ULK4: variants seen among roughly 807,000 people sequenced by gnomAD.
ULK4 encodes inactive serine/threonine-protein kinase ULK4.
ULK4 carries 133 observed loss-of-function variants against 160.6 expected under a neutral mutation model. The observed-to-expected ratio is 0.83, with a 90% CI of 0.72 to 0.96. ULK4 has a LOEUF of 0.96. Ranked by LOEUF, ULK4 falls within the 40% of genes least tolerant of loss-of-function variation. ULK4 has a pLI of 0.00. For missense variants in ULK4, 1,580 were observed against 1,499.5 expected, an observed-to-expected ratio of 1.05 and a Z score of -0.89; for synonymous variants, 534 against 539.8, an observed-to-expected ratio of 0.99 and a Z score of 0.15.
At chr3:41,886,977 T>C (rs1176300229) in intron 16 of ULK4, among the ~76,000 whole-genome samples, 1 of 152,216 alleles carries the variant, frequency 6.6e-6, no homozygotes, top group African/African-American at 2.4e-5. Context: ...AAGGCAACAA[T>C]GAATACATTC....
intron 35 of ULK4, among the ~76,000 whole-genome samples, chr3:41,342,948 A>G (rs1382514467): frequency 3.9e-5 from 6 of 152,250 alleles, no homozygotes; most frequent in Admixed American, 3.9e-4. Context: ...ACAGATGCAG[A>G]AAAGACCTTT....
intron 22 of ULK4, among the ~76,000 whole-genome samples, chr3:41,753,188 C>T (rs2038686903): frequency 6.6e-6 from 1 of 152,182 alleles, no homozygotes; most frequent in African/African-American, 2.4e-5. Context: ...CACTGCACTC[C>T]AGCCTGGGCA....
chr3:41,826,290 T>A (rs1207111884), intron 18 of ULK4, among the ~76,000 whole-genome samples: 7 of 151,994 alleles, frequency 4.6e-5, no homozygotes, highest in African/African-American at 1.7e-4. Context: ...AATGACAGGA[T>A]CAAATTCACA....
chr3:41,343,547 G>A (rs560701731), intron 35 of ULK4, among the ~76,000 whole-genome samples: 21 of 151,688 alleles, frequency 1.4e-4, no homozygotes, highest in East Asian at 3.9e-4. Context: ...CAGGCAATCC[G>A]CCTGCCTTGG....
chr3:41,404,949 T>C (rs2082263493), intron 34 of ULK4, among the ~76,000 whole-genome samples: 1 of 152,230 alleles, frequency 6.6e-6, no homozygotes, highest in African/African-American at 2.4e-5. Context: ...GACTAAGAAC[T>C]CTAATCATCT....
intron 19 of ULK4, among the ~76,000 whole-genome samples, chr3:41,811,758 A>G (rs1228528301): frequency 6.6e-6 from 1 of 152,192 alleles, no homozygotes; most frequent in Non-Finnish European, 1.5e-5. Context: ...CTAGAGTTCT[A>G]AATTATGATT....
intron 32 of ULK4, among the ~76,000 whole-genome samples, chr3:41,489,754 C>T (rs1366663559): frequency 6.6e-6 from 1 of 152,138 alleles, no homozygotes; most frequent in Non-Finnish European, 1.5e-5. Context: ...AATCATCCCA[C>T]TCCAGGAAAA....
chr3:41,944,732 T>C (rs915478343), intron 2 of ULK4, among the ~76,000 whole-genome samples: 1 of 152,104 alleles, frequency 6.6e-6, no homozygotes, highest in African/African-American at 2.4e-5. Context: ...AATGAGCCAG[T>C]AAGCCCGGCT....
intron 35 of ULK4, among the ~76,000 whole-genome samples, chr3:41,356,660 T>A (rs1402237907): frequency 6.6e-6 from 1 of 152,232 alleles, no homozygotes; most frequent in Non-Finnish European, 1.5e-5. Context: ...ATATGTTACC[T>A]GCACAATCAG....
intron 32 of ULK4, among the ~76,000 whole-genome samples, chr3:41,525,519 G>A (rs77990051): frequency 1.3e-5 from 2 of 152,096 alleles, no homozygotes; most frequent in African/African-American, 2.4e-5. Context: ...GTGAGGCCTA[G>A]TCTCCCTCCC....
At chr3:41,475,852 AAAG>A (rs1575276694) in intron 32 of ULK4, among the ~76,000 whole-genome samples, 1 of 151,990 alleles carries the variant, frequency 6.6e-6, no homozygotes, top group Non-Finnish European at 1.5e-5. Context: ...GAATTTGCCC[AAAG>A]AAGAAGTTAG....
intron 2 of ULK4, among the ~76,000 whole-genome samples, chr3:41,949,338 A>G (rs1221654234): frequency 6.6e-6 from 1 of 150,784 alleles, no homozygotes; most frequent in Non-Finnish European, 1.5e-5. Context: ...ACACACACAA[A>G]AAGTAAAGTT....
chr3:41,268,680 C>T (rs2079086140), intron 35 of ULK4, among the ~76,000 whole-genome samples: 1 of 151,922 alleles, frequency 6.6e-6, no homozygotes, highest in Non-Finnish European at 1.5e-5. Flanking sequence ...GTGGTGTGCA[C>T]CTGCAGTTCC....
intron 16 of ULK4, among the ~76,000 whole-genome samples, chr3:41,890,626 C>A (rs1250732973): frequency 1.3e-5 from 2 of 150,188 alleles, no homozygotes; most frequent in Non-Finnish European, 3.0e-5. Flanking sequence ...TTGCAGTGAG[C>A]CAAGATCGCG....
At chr3:41,838,671 A>C (rs536667901) in intron 17 of ULK4, among the ~76,000 whole-genome samples, 4 of 152,356 alleles carry the variant, frequency 2.6e-5, no homozygotes, top group African/African-American at 9.6e-5. Flanking sequence ...ACTAAATCTA[A>C]GTCAATAAAT....
intron 32 of ULK4, among the ~76,000 whole-genome samples, chr3:41,559,518 C>A (rs186601404): frequency 8.0e-6 from 1 of 125,382 alleles, no homozygotes; most frequent in Admixed American, 8.6e-5. Context: ...CCTATTTCTC[C>A]ACATCCTCTC....
chr3:41,667,684 G>A (rs967203851), intron 29 of ULK4, among the ~76,000 whole-genome samples: 1 of 152,284 alleles, frequency 6.6e-6, no homozygotes, highest in East Asian at 1.9e-4. Context: ...TGACATAACA[G>A]TACCCTGTCC....
rs1217628639 is a variant in ULK4 at position 41,953,303 on chromosome 3, TA to T, written c.138+1318del. Among the ~76,000 whole-genome samples the T allele has an allele frequency of 5.0e-3, 476 of 96,024 alleles. 2 individuals carry two copies. Among genetic ancestry groups the T allele is most frequent in the African/African-American group, 0.021 (461 of 22,148 alleles). 63.0% of individuals were successfully genotyped at this position (96,024 alleles called of 152,430 possible). On this transcript the variant is annotated intron_variant, in intron 2 of 36. Coordinates refer to ENST00000301831, the MANE Select transcript of ULK4 (RefSeq NM_017886.4). ...ATATACACATATATATATATATATA[TA>T]TTTTTTTTTTTTTTTGAGATGGAGT...
intron 19 of ULK4, among the ~76,000 whole-genome samples, chr3:41,807,821 A>G (rs372621468): frequency 6.6e-6 from 1 of 152,150 alleles, no homozygotes; most frequent in Non-Finnish European, 1.5e-5. Flanking sequence ...ATTTCCTTCA[A>G]TGCAGCCAGA....
Sources: gnomAD v4.1 joint callset for allele counts (sites outside exome capture counted in the v4.1 genomes callset) on GRCh38, gnomAD v4.1.1 for gene constraint, MANE v1.5 for transcripts, NCBI Gene and HGNC (gene_info 2026-07-23, HGNC 2026-07-21) for gene names.